Variants in DRC11 observed in about 807,000 individuals in gnomAD.
DRC11 encodes the protein dynein regulatory complex subunit 11.
chr2:236,317,822 T>C, the DRC11 span, among the ~76,000 whole-genome samples: 2 of 152,222 alleles, frequency 1.3e-5, no homozygotes, highest in African/African-American at 2.4e-5. This position sits in a 1 kb window ranked among gnomAD's most constrained non-coding sequence, Gnocchi z 5.4. Flanking sequence ...GCCCCTGGCA[T>C]GTGGAGTGCC....
At chr2:236,481,986 ATAT>A in the DRC11 span, among the ~76,000 whole-genome samples, 1 of 148,794 alleles carries the variant, frequency 6.7e-6, no homozygotes, top group Non-Finnish European at 1.5e-5. Context: ...ATAATTCTAC[ATAT>A]TATATGTATA....
the DRC11 span, among the ~76,000 whole-genome samples, chr2:236,473,343 T>G: frequency 1.3e-3 from 194 of 152,328 alleles, 1 homozygote; most frequent in Middle Eastern, 0.034. This position sits in a 1 kb window ranked among gnomAD's most constrained non-coding sequence, Gnocchi z 4.8. Context: ...CCACGCTCAT[T>G]TGGGCGCCCA....
At chr2:236,365,163 G>A in the DRC11 span, among the ~76,000 whole-genome samples, 2 of 152,068 alleles carry the variant, frequency 1.3e-5, no homozygotes, top group African/African-American at 4.8e-5. The surrounding 1 kb of genome is among the most constrained non-coding windows in gnomAD (Gnocchi z 7.4). Flanking sequence ...GACTGTGGCG[G>A]GGAGTGACAC....
the DRC11 span, among the ~76,000 whole-genome samples, chr2:236,473,521 T>C: frequency 1.3e-5 from 2 of 152,244 alleles, no homozygotes; most frequent in African/African-American, 4.8e-5. The surrounding 1 kb of genome is among the most constrained non-coding windows in gnomAD (Gnocchi z 4.8). Context: ...TCCTCTTTAA[T>C]AAGTGTTTCC....
the DRC11 span, among the ~76,000 whole-genome samples, chr2:236,415,780 G>A: frequency 6.6e-6 from 1 of 152,154 alleles, no homozygotes; most frequent in Non-Finnish European, 1.5e-5. This position sits in a 1 kb window ranked among gnomAD's most constrained non-coding sequence, Gnocchi z 5.7. Flanking sequence ...AGATTGTGTA[G>A]CTGGTAATTT....
the DRC11 span, among the ~76,000 whole-genome samples, chr2:236,374,857 ATTTTTTT>A: frequency 1.6e-5 from 2 of 125,946 alleles, no homozygotes; most frequent in Non-Finnish European, 3.4e-5. Context: ...TGCCTGGCTA[ATTTTTTT>A]TTTTTTTTTT....
At chr2:236,485,060 T>C in the DRC11 span, among the ~76,000 whole-genome samples, 3 of 152,298 alleles carry the variant, frequency 2.0e-5, no homozygotes, top group Non-Finnish European at 4.4e-5. Context: ...GCTACATGGT[T>C]GTTTTATTAA....
chr2:236,317,812 G>A, the DRC11 span, among the ~76,000 whole-genome samples: 1 of 152,196 alleles, frequency 6.6e-6, no homozygotes, highest in South Asian at 2.1e-4. The surrounding 1 kb of genome is among the most constrained non-coding windows in gnomAD (Gnocchi z 5.4). Flanking sequence ...AAAACTCATG[G>A]CCCCTGGCAT....
the DRC11 span, among the ~76,000 whole-genome samples, chr2:236,424,610 A>G: frequency 6.6e-6 from 1 of 152,232 alleles, no homozygotes; most frequent in East Asian, 1.9e-4. Flanking sequence ...GATTAAGTCA[A>G]GCTAACTAAC....
the DRC11 span, among the ~76,000 whole-genome samples, chr2:236,433,458 C>T: frequency 6.6e-6 from 1 of 152,256 alleles, no homozygotes; most frequent in Admixed American, 6.5e-5. Flanking sequence ...GTAGAATGTA[C>T]ATTTATCATT....
chr2:236,355,721 ATCTCTCTC>A, the DRC11 span, among the ~76,000 whole-genome samples: 1,405 of 147,954 alleles, frequency 9.5e-3, 15 homozygotes, highest in South Asian at 0.05. Flanking sequence ...CTAATTGTAC[ATCTCTCTC>A]TCTCTCTCTC....
chr2:236,367,140 C>T, the DRC11 span, among the ~76,000 whole-genome samples: 1 of 150,974 alleles, frequency 6.6e-6, no homozygotes, highest in South Asian at 2.1e-4. This position sits in a 1 kb window ranked among gnomAD's most constrained non-coding sequence, Gnocchi z 4.8. Context: ...TTCTGTCTTA[C>T]TGCCTTCCAT....
At chr2:236,424,063 AG>A in the DRC11 span, among the ~76,000 whole-genome samples, 22 of 62,350 alleles carry the variant, frequency 3.5e-4, 1 homozygote, top group Non-Finnish European at 5.5e-4. Flanking sequence ...GGGTGGGGGG[AG>A]GGGGGAGGGA....
chr2:236,464,571 T>C, the DRC11 span, among the ~76,000 whole-genome samples: 114 of 152,346 alleles, frequency 7.5e-4, no homozygotes, highest in Non-Finnish European at 1.1e-3. Flanking sequence ...TAACATTTCA[T>C]TTAAGAACAT....
chr2:236,368,250 A>G, the DRC11 span: 1 of 1,610,288 alleles, frequency 6.2e-7, no homozygotes, highest in African/African-American at 1.3e-5. Flanking sequence ...GAGGGAGGGC[A>G]TGGGTTCTAT....
the DRC11 span, among the ~76,000 whole-genome samples, chr2:236,411,424 AG>A: frequency 6.6e-6 from 1 of 151,268 alleles, no homozygotes; most frequent in Non-Finnish European, 1.5e-5. Context: ...GTGGAGAAAT[AG>A]GAACACTTTT....
At chr2:236,496,268 T>C in the DRC11 span, among the ~76,000 whole-genome samples, 1 of 152,198 alleles carries the variant, frequency 6.6e-6, no homozygotes, top group Non-Finnish European at 1.5e-5. The surrounding 1 kb of genome is among the most constrained non-coding windows in gnomAD (Gnocchi z 6.3). Flanking sequence ...TACTCCATTC[T>C]GATAAAATAA....
At chr2:236,364,049 T>C in the DRC11 span, 1 of 1,382,432 alleles carries the variant, frequency 7.2e-7, no homozygotes, top group Non-Finnish European at 1.0e-6. Context: ...CTAGGATAAC[T>C]CAAGGTCAAA....
the DRC11 span, among the ~76,000 whole-genome samples, chr2:236,403,355 AG>A: frequency 6.6e-6 from 1 of 151,968 alleles, no homozygotes; most frequent in Non-Finnish European, 1.5e-5. Context: ...AAAGAGAGAC[AG>A]GGGGACAGAG....
Sources: gnomAD v4.1 joint callset for allele counts (sites outside exome capture counted in the v4.1 genomes callset) on GRCh38, gnomAD v4.1.1 for gene constraint, Gnocchi (gnomAD v3.1) non-coding constraint, MANE v1.5 for transcripts, NCBI Gene and HGNC (gene_info 2026-07-23, HGNC 2026-07-21) for gene names.